The following NCAM2 variants were observed in gnomAD, a reference collection of about 807,000 sequenced individuals.
NCAM2 encodes the protein N-CAM-2.
Under a neutral mutation model 98.1 loss-of-function variants are expected in NCAM2, and 30 were observed. The observed-to-expected ratio is 0.31, with a 90% CI of 0.23 to 0.41. The LOEUF (loss-of-function observed/expected upper bound fraction) is 0.41. Ranked by LOEUF, NCAM2 falls within the 10% of genes least tolerant of loss-of-function variation. The pLI is 1.00. For missense variants in NCAM2, 867 were observed against 1,005.8 expected (o/e 0.86, Z 1.87); for synonymous variants, 368 against 342.4 (o/e 1.07, Z -0.83).
At chr21:21,498,063 C>A (rs1196792429) in intron 15 of NCAM2, among the ~76,000 whole-genome samples, 1 of 151,846 alleles carries the variant, frequency 6.6e-6, no homozygotes, top group East Asian at 1.9e-4. Context: ...GTATTAATGT[C>A]CAGTATAAAC....
At chr21:21,322,709 T>A (rs34432121) in intron 5 of NCAM2, among the ~76,000 whole-genome samples, 64,027 of 151,942 alleles carry the variant, frequency 0.42, 14,781 homozygotes, top group Non-Finnish European at 0.53. Context: ...TGAATAGGCA[T>A]TTCATGGTTG....
intron 1 of NCAM2, among the ~76,000 whole-genome samples, chr21:21,081,826 A>T (rs1186083618): frequency 6.6e-6 from 1 of 151,090 alleles, no homozygotes; most frequent in East Asian, 1.9e-4. Context: ...AAAAGAAAAA[A>T]AAATTATCTC....
intron 12 of NCAM2, among the ~76,000 whole-genome samples, chr21:21,457,738 C>T (rs1296901533): frequency 2.0e-5 from 3 of 151,860 alleles, no homozygotes; most frequent in East Asian, 1.9e-4. Context: ...ATCAGATATT[C>T]GCCTGGAAAT....
chr21:21,486,376 A>G (rs894582540), intron 15 of NCAM2, among the ~76,000 whole-genome samples: 1 of 151,696 alleles, frequency 6.6e-6, no homozygotes, highest in East Asian at 1.9e-4. Context: ...CGATATCTCA[A>G]CTCACACATT....
intron 6 of NCAM2, among the ~76,000 whole-genome samples, chr21:21,326,308 T>G (rs2074509798): frequency 2.6e-5 from 4 of 152,168 alleles, no homozygotes; most frequent in South Asian, 2.1e-4. Context: ...CCCCACCTAT[T>G]TATGTTGATG....
At chr21:21,527,268 C>T (rs1362231201) in intron 16 of NCAM2, among the ~76,000 whole-genome samples, 3 of 151,978 alleles carry the variant, frequency 2.0e-5, no homozygotes, top group East Asian at 1.9e-4. Context: ...CGTGCCATCA[C>T]GCCTGGCTAA....
chr21:21,233,054 T>A (rs576982992), intron 1 of NCAM2, among the ~76,000 whole-genome samples: 16 of 151,760 alleles, frequency 1.1e-4, no homozygotes, highest in Admixed American at 3.9e-4. Context: ...TTTAAAAAAA[T>A]TCTGTTATGT....
chr21:21,272,283 C>T (rs1188682259), intron 1 of NCAM2, among the ~76,000 whole-genome samples: 1 of 152,150 alleles, frequency 6.6e-6, no homozygotes, highest in Non-Finnish European at 1.5e-5. Context: ...CACCTGAGAT[C>T]TGTACTACAA....
At chr21:20,999,349 T>G (rs2063977265) in intron 1 of NCAM2, among the ~76,000 whole-genome samples, 1 of 144,684 alleles carries the variant, frequency 6.9e-6, no homozygotes, top group South Asian at 2.1e-4. Context: ...AGCTTTTATC[T>G]CTTAAAAAAA....
intron 1 of NCAM2, among the ~76,000 whole-genome samples, chr21:21,024,002 A>C (rs1393499187): frequency 1.3e-5 from 2 of 152,236 alleles, no homozygotes; most frequent in Non-Finnish European, 2.9e-5. Context: ...GTGGGTAATA[A>C]AAAGATGTAT....
chr21:21,005,810 CAA>C (rs371717219), intron 1 of NCAM2, among the ~76,000 whole-genome samples: 1 of 144,282 alleles, frequency 6.9e-6, no homozygotes. Context: ...ACGCCCCCCC[CAA>C]AAAAAAAACC....
Position 21,281,851 on chromosome 21 carries a change from T to G in NCAM2, c.130+1199T>G, listed in dbSNP as rs541119508. On this transcript the variant is annotated intron_variant, in intron 2 of 17. Coordinates refer to ENST00000400546, the MANE Select transcript of NCAM2 (RefSeq NM_004540.5). ...TGACATGATTTATTTAAACCAAGAT[T>G]CAAATTTATAAATATAGAGATATAA... Among the ~76,000 whole-genome samples, 6 of 151,738 alleles carry G rather than the reference T, an allele frequency of 4.0e-5. No individual in the cohort carries two copies. In the South Asian group the frequency reaches 8.3e-4, roughly 21 times the overall value.
intron 1 of NCAM2, among the ~76,000 whole-genome samples, chr21:21,106,886 A>G (rs2066360375): frequency 6.6e-6 from 1 of 152,074 alleles, no homozygotes; most frequent in African/African-American, 2.4e-5. Flanking sequence ...TCTTTGAAAA[A>G]CAGTTTAGTT....
At chr21:21,240,021 C>T (rs2071002255) in intron 1 of NCAM2, among the ~76,000 whole-genome samples, 1 of 152,098 alleles carries the variant, frequency 6.6e-6, no homozygotes, top group Non-Finnish European at 1.5e-5. Flanking sequence ...CTTATACACA[C>T]ATACACAATA....
chr21:21,185,445 C>A (rs2068609460), intron 1 of NCAM2, among the ~76,000 whole-genome samples: 1 of 152,100 alleles, frequency 6.6e-6, no homozygotes, highest in Non-Finnish European at 1.5e-5. Flanking sequence ...TTTGAAATTG[C>A]AATCTTCCTT....
At chr21:21,210,845 G>T (rs1205462561) in intron 1 of NCAM2, among the ~76,000 whole-genome samples, 1 of 151,822 alleles carries the variant, frequency 6.6e-6, no homozygotes, top group African/African-American at 2.4e-5. Context: ...ATTACCAGTG[G>T]TGTGGGGTAA....
intron 16 of NCAM2, among the ~76,000 whole-genome samples, chr21:21,528,772 A>G (rs1420745765): frequency 6.6e-6 from 1 of 152,188 alleles, no homozygotes; most frequent in East Asian, 1.9e-4. Context: ...CCACACATTT[A>G]TCACCTGAAA....
chr21:21,020,506 C>G (rs2064410044), intron 1 of NCAM2, among the ~76,000 whole-genome samples: 3 of 152,214 alleles, frequency 2.0e-5, no homozygotes, highest in Non-Finnish European at 2.9e-5. Context: ...TGTGCCTCCA[C>G]TTTGTGCAGT....
chr21:21,416,885 A>G (rs190969399), intron 10 of NCAM2, among the ~76,000 whole-genome samples: 23 of 151,980 alleles, frequency 1.5e-4, no homozygotes, highest in Admixed American at 1.5e-3. Flanking sequence ...TATCTAGAGC[A>G]TGTGTGTGGA....
Sources: gnomAD v4.1 joint callset for allele counts (sites outside exome capture counted in the v4.1 genomes callset) on GRCh38, gnomAD v4.1.1 for gene constraint, MANE v1.5 for transcripts, NCBI Gene and HGNC (gene_info 2026-07-23, HGNC 2026-07-21) for gene names.